Variants in AHCTF1 observed in about 807,000 individuals in gnomAD.
AHCTF1 encodes protein ELYS.
AHCTF1 carries 24 observed loss-of-function variants against 248.4 expected under a neutral mutation model. That is an observed-to-expected ratio of 0.10 (90% CI 0.07 to 0.14). The LOEUF (loss-of-function observed/expected upper bound fraction) is 0.14, where lower values mean the gene tolerates loss of function less well. Ranked by LOEUF, AHCTF1 falls within the 10% of genes least tolerant of loss-of-function variation. The pLI, the probability that AHCTF1 is intolerant of heterozygous loss-of-function variation, is 1.00. For missense variants in AHCTF1, 2,206 were observed against 2,636.2 expected (o/e 0.84, Z 3.57); for synonymous variants, 786 against 929.8 (o/e 0.85, Z 2.81).
intron 8 of AHCTF1, among the ~76,000 whole-genome samples, chr1:246,901,031 G>A (rs1036467665): frequency 3.3e-5 from 5 of 152,142 alleles, no homozygotes; most frequent in Admixed American, 2.6e-4. Flanking sequence ...TAAGGAAATA[G>A]GAAGAATGGG....
chr1:246,928,736 T>C (rs1572484826), intron 1 of AHCTF1, among the ~76,000 whole-genome samples: 2 of 152,212 alleles, frequency 1.3e-5, no homozygotes, highest in Admixed American at 6.5e-5. Flanking sequence ...TCAACAATTA[T>C]ATTGCAACAT....
chr1:246,867,049 A>G (rs1046274134), intron 26 of AHCTF1, among the ~76,000 whole-genome samples, 195 bp downstream of exon 26: 1 of 152,234 alleles, frequency 6.6e-6, no homozygotes, highest in African/African-American at 2.4e-5. Flanking sequence ...AAATTATTGA[A>G]CAAAAATTTT....
intron 33 of AHCTF1, among the ~76,000 whole-genome samples, chr1:246,849,085 C>T (rs1332665603): frequency 6.6e-6 from 1 of 152,226 alleles, no homozygotes; most frequent in Non-Finnish European, 1.5e-5. Context: ...CTCTGACCTA[C>T]ACCAACCAAA....
At chr1:246,869,077 C>G (rs1159660859) in intron 24 of AHCTF1, among the ~76,000 whole-genome samples, 1 of 151,428 alleles carries the variant, frequency 6.6e-6, no homozygotes, top group Non-Finnish European at 1.5e-5. Context: ...ATCTCCTGAC[C>G]TCGTGATCCG....
chr1:246,849,175 G>C (rs918947540), intron 33 of AHCTF1, among the ~76,000 whole-genome samples: 4 of 152,200 alleles, frequency 2.6e-5, no homozygotes, highest in African/African-American at 9.7e-5. Context: ...GTGGGCAATA[G>C]TGAATATGGA....
At position 246,867,792 on chromosome 1, in the gene AHCTF1, T is replaced by C. The variant is rs1034020498; in HGVS notation, c.3108A>G (p.Leu1036=). ...VFRLVSRPKP[L]SAVPKQVVTG... is the part of the protein sequence containing the mutation. ...TTACAACTTGCTTTGGAACTGCTGA[T>C]AATGGTTTGGGTCTAGAAACTGTAA... is the stretch of plus-strand genomic sequence containing the variant. The change falls in exon 25 of 36, where the codon TTA becomes TTG. Residue 1036 remains leucine, a synonymous_variant. Coordinates refer to ENST00000648844, the MANE Select transcript of AHCTF1 (RefSeq NM_001323342.2). 6 of 1,610,958 alleles carry C rather than the reference T, an allele frequency of 3.7e-6. No individual in the cohort carries two copies. In the African/African-American group the frequency reaches 5.4e-5, roughly 14 times the overall value.
In AHCTF1 at chr1:246,850,482, T is replaced by C. The variant is rs766695938; in HGVS notation, c.5524A>G (p.Lys1842Glu). 5.6e-6 allele frequency: 9 copies of C among 1,599,390 alleles called. No homozygotes were observed. The highest frequency in any genetic ancestry group is 2.3e-5 in the South Asian group (2 of 88,706). Reference sequence around the variant, plus strand: ...AACAGCTGAGATGATTTTAATCTTTTTGATTCCCTACCTGTAGTGATCTGT... The same window carrying C: ...AACAGCTGAGATGATTTTAATCTTTCTGATTCCCTACCTGTAGTGATCTGT... ...ELQITTGRES[K>E]RLKSSQLLEP... Residue 1842 changes from lysine to glutamate, a missense_variant, in exon 33 of 36, where the codon AAA becomes GAA. Transcript: ENST00000648844.
At chr1:246,894,794 A>T (rs749438002) in intron 13 of AHCTF1, 46 bp from the exon 14 acceptor site, 2 of 1,515,138 alleles carry the variant, frequency 1.3e-6, no homozygotes, top group Admixed American at 3.4e-5. Context: ...TATTAATTAC[A>T]AACAGAGTTC....
rs76330535 is a variant in AHCTF1, at chr1:246,855,020, T to G, written c.4354+710A>C. ...CCATAATCATGTATTACCTTAATCATGGGACAAAAACTAGTCTGCTGAAGC... is the reference window on the plus strand; with the variant it reads ...CCATAATCATGTATTACCTTAATCAGGGGACAAAAACTAGTCTGCTGAAGC... On this transcript the variant is annotated intron_variant, in intron 31 of 35. Coordinates refer to ENST00000648844, the MANE Select transcript of AHCTF1 (RefSeq NM_001323342.2). Among the ~76,000 whole-genome samples, 3 of 152,236 alleles carry G rather than the reference T, an allele frequency of 2.0e-5. No homozygotes were observed. The South Asian group carries it at 6.2e-4, about 32-fold the overall frequency.
rs550785866 is a variant in AHCTF1 at position 246,840,698 on chromosome 1, A to C, written c.*108T>G. The stretch of plus-strand genomic sequence containing the variant: ...ATTGAAGACCTTCTGTTTACATAAA[A>C]ATTTACAATAATTTATATAAATTAT... On this transcript the variant is annotated 3_prime_UTR_variant, in exon 36 of 36. Transcript: ENST00000648844. 1 of 891,834 alleles carries C rather than the reference A, an allele frequency of 1.1e-6. No homozygotes were observed. The highest frequency in any genetic ancestry group is 1.7e-5 in the African/African-American group (1 of 57,256). 55.2% of individuals were successfully genotyped at this position (891,834 alleles called of 1,614,324 possible).
chr1:246,878,261 G>T (rs1453385289), intron 21 of AHCTF1, among the ~76,000 whole-genome samples: 2 of 151,766 alleles, frequency 1.3e-5, no homozygotes, highest in East Asian at 3.9e-4. Flanking sequence ...GCTGGGCATG[G>T]TGGTGTGTGC....
In AHCTF1 at chr1:246,856,132, A is replaced by G. The variant is rs925913550; in HGVS notation, c.4257-305T>C. ...CATTATATTTAAGCCAATTTTTAAT[A>G]ATCTGTGGCCAGTCTTCAAATAAGT... On this transcript the variant is annotated intron_variant, in intron 30 of 35. Coordinates refer to ENST00000648844, the MANE Select transcript of AHCTF1 (RefSeq NM_001323342.2). 2.0e-5 allele frequency among the ~76,000 whole-genome samples: 3 copies of G among 152,230 alleles called. No individual in the cohort carries two copies. In the South Asian group the frequency reaches 6.2e-4, roughly 32 times the overall value.
At position 246,875,933 on chromosome 1, in the gene AHCTF1, A is replaced by G. The variant is rs150473634; in HGVS notation, c.3088+104T>C. On this transcript the variant is annotated intron_variant, in intron 24 of 35. Coordinates refer to ENST00000648844, the MANE Select transcript of AHCTF1 (RefSeq NM_001323342.2). ...AGCAATATCTCCAAGGCATGCCTGTATGTGTTAGCGAAAGTAGCTAAATTT... is the reference window on the plus strand; with the variant it reads ...AGCAATATCTCCAAGGCATGCCTGTGTGTGTTAGCGAAAGTAGCTAAATTT... The G allele has an allele frequency of 3.0e-5, 32 of 1,063,650 alleles. No homozygotes were observed. The East Asian group carries it at 8.4e-4, about 28-fold the overall frequency. The allele number at this position is 1,063,650 out of a possible 1,614,324, so 65.9% of individuals were successfully genotyped here. A position where few individuals can be genotyped will look rare whatever the true frequency, so the allele number is the denominator to read the frequency against.
At chr1:246,898,949 C>T (rs1280063766) in intron 11 of AHCTF1, among the ~76,000 whole-genome samples, 1 of 152,060 alleles carries the variant, frequency 6.6e-6, no homozygotes, top group Non-Finnish European at 1.5e-5. Flanking sequence ...ATTAGCCGGG[C>T]GTGGTGGTGA....
At chr1:246,930,006 T>C (rs556658509) in intron 1 of AHCTF1, among the ~76,000 whole-genome samples, 31 of 151,198 alleles carry the variant, frequency 2.1e-4, no homozygotes, top group African/African-American at 6.1e-4. Flanking sequence ...GAGCCAAGAT[T>C]GTGCCACTGC....
At chr1:246,900,724 T>C (rs150612389) in intron 8 of AHCTF1, among the ~76,000 whole-genome samples, 1 of 152,348 alleles carries the variant, frequency 6.6e-6, no homozygotes, top group African/African-American at 2.4e-5. Context: ...TTTCAGTTAA[T>C]ACTTGAGCAA....
Position 246,895,900 on chromosome 1 carries a change from G to A in AHCTF1, c.1649C>T (p.Ser550Leu), listed in dbSNP as rs939970104. 1 of 1,613,480 alleles carries A rather than the reference G, an allele frequency of 6.2e-7. No individual in the cohort carries two copies. The highest frequency in any genetic ancestry group is 8.5e-7 in the Non-Finnish European group (1 of 1,179,622). Residue 550 changes from serine (S) to leucine (L), a missense_variant, in exon 13 of 36, where the codon TCA becomes TTA. Ser to Leu is a moderately radical substitution (Grantham distance 145). Transcript: ENST00000648844. ...SQEEQLEAIL[S>L]AAIQTSSLGL... ...CAGGGAACTAGTCTGAATTGCTGCTGACAATATAGCTTCTAACTGTTCTTC... is the reference window on the plus strand; with the variant it reads ...CAGGGAACTAGTCTGAATTGCTGCTAACAATATAGCTTCTAACTGTTCTTC...
At chr1:246,888,892 C>A (rs1323301813) in intron 17 of AHCTF1, among the ~76,000 whole-genome samples, 3 of 152,022 alleles carry the variant, frequency 2.0e-5, no homozygotes, top group African/African-American at 7.3e-5. Flanking sequence ...CAACAGAGAC[C>A]CTGTCTCTAA....
rs1300945043 is a variant in AHCTF1 at position 246,850,203 on chromosome 1, C to A, written c.5803G>T (p.Val1935Phe). ...ACTTCTCTCCCTCTGACCCTTCTAA[C>A]ATGTTTAATACGCAGCTGCTTGTCA... ...SSDKQLRIKH[V>F]RRVRGREVSP... Residue 1935 changes from valine (V) to phenylalanine (F), a missense_variant, in exon 33 of 36, where the codon GTT (valine) becomes TTT (phenylalanine). Coordinates refer to ENST00000648844, the MANE Select transcript of AHCTF1 (RefSeq NM_001323342.2). 1.9e-6 allele frequency: 3 copies of A among 1,613,948 alleles called. No individual in the cohort carries two copies. The Admixed American group carries it at 5.0e-5, about 27-fold the overall frequency.
Sources: allele counts gnomAD v4.1 joint callset (sites outside exome capture counted in the v4.1 genomes callset), GRCh38; gene constraint gnomAD v4.1.1; transcripts MANE v1.5; gene names NCBI Gene and HGNC (gene_info 2026-07-23, HGNC 2026-07-21).